The following GIPC2 variants were observed in gnomAD, a reference collection of about 807,000 sequenced individuals.
GIPC2 encodes the protein PDZ domain-containing protein GIPC2.
GIPC2 carries 30 observed loss-of-function variants against 30.6 expected under a neutral mutation model. That is an observed-to-expected ratio of 0.98 (90% confidence interval 0.73 to 1.33). GIPC2 has a LOEUF of 1.33. GIPC2 is among the 40% of genes most tolerant of loss of function. GIPC2 has a pLI of 0.00. For missense variants in GIPC2, 414 were observed against 390.3 expected (o/e 1.06, Z -0.51); for synonymous variants, 167 against 150.0 (o/e 1.11, Z -0.83).
chr1:78,108,747 G>T (rs1349182075), intron 3 of GIPC2, among the ~76,000 whole-genome samples: 1 of 152,156 alleles, frequency 6.6e-6, no homozygotes, highest in Non-Finnish European at 1.5e-5. Flanking sequence ...GTGTACATAG[G>T]TTGTGGGTGA....
rs565046927 is a variant in GIPC2 at position 78,046,327 on chromosome 1, C to T, written c.233C>T (p.Pro78Leu). The change falls in exon 1 of 6, where the codon CCG becomes CTG. Residue 78 changes from proline to leucine, a missense_variant. Physicochemically the swap from Pro to Leu is moderately conservative, Grantham distance 98. Transcript: ENST00000370759. ...ATCGCGGGCGCGTTTGAAATCTCGC[C>T]GTCGGAGGTAAGGCGCCAGGTGCTC... ...AQIAGAFEIS[P>L]SEILYCTLNT... The T allele has an allele frequency of 1.9e-6, 3 of 1,610,090 alleles. No individual in the cohort carries two copies. The highest frequency in any genetic ancestry group is 1.3e-5 in the African/African-American group (1 of 74,764).
intron 3 of GIPC2, among the ~76,000 whole-genome samples, chr1:78,099,347 T>C (rs1662197015): frequency 6.6e-6 from 1 of 151,972 alleles, no homozygotes; most frequent in Non-Finnish European, 1.5e-5. Flanking sequence ...TAAAGGCGAT[T>C]AGAGGTGCTA....
At chr1:78,067,158 G>A (rs998521016) in intron 1 of GIPC2, among the ~76,000 whole-genome samples, 1 of 152,132 alleles carries the variant, frequency 6.6e-6, no homozygotes, top group Admixed American at 6.5e-5. Flanking sequence ...TATAGCAGGT[G>A]CAAAAGTTAG....
In GIPC2 at chr1:78,136,767, C is replaced by T. The variant is rs1030774947; in HGVS notation, c.*1024C>T. The T allele has an allele frequency of 6.6e-6, 1 of 151,918 alleles. No homozygotes were observed. The highest frequency in any genetic ancestry group is 1.5e-5 in the Non-Finnish European group (1 of 67,934). The allele number at this position is 151,918 out of a possible 1,614,324, so 9.4% of individuals were successfully genotyped here. On this transcript the variant is annotated 3_prime_UTR_variant, in exon 6 of 6. Coordinates refer to ENST00000370759, the MANE Select transcript of GIPC2 (RefSeq NM_017655.6). ...TCTATTATTTTAGAGTTCTAATACA[C>T]TCTAAATTAAAGAGAAAATTGAGAG...
At chr1:78,095,450 G>A (rs2100379029) in intron 3 of GIPC2, among the ~76,000 whole-genome samples, 1 of 152,286 alleles carries the variant, frequency 6.6e-6, no homozygotes, top group African/African-American at 2.4e-5. Context: ...TCATTTTGCT[G>A]AGCAGTAAGA....
chr1:78,100,883 TC>T (rs1306769968), intron 3 of GIPC2, among the ~76,000 whole-genome samples: 3 of 142,570 alleles, frequency 2.1e-5, no homozygotes, highest in Non-Finnish European at 4.5e-5. Context: ...TGAGCTGAGA[TC>T]ACGCCACTGC....
At chr1:78,135,528 C>T in intron 5 of GIPC2, 64 bp from the exon 6 acceptor site, 1 of 948,790 alleles carries the variant, frequency 1.1e-6, no homozygotes, top group Non-Finnish European at 1.6e-6. Flanking sequence ...TTCCTGTTGC[C>T]ATTTTTCTCA....
At chr1:78,088,336 A>G (rs1661973487) in intron 2 of GIPC2, among the ~76,000 whole-genome samples, 1 of 152,240 alleles carries the variant, frequency 6.6e-6, no homozygotes, top group Admixed American at 6.5e-5. Context: ...TAGTAATGAC[A>G]TGGAATCAAC....
rs1663035545 is a variant in GIPC2, at chr1:78,137,899, C to G, written c.*2156C>G. ...CACATAATATATAAGTGTGGGATAC[C>G]CTTCTGCAGCTTCAGTGAGACAAAT... On this transcript the variant is annotated 3_prime_UTR_variant, in exon 6 of 6. Transcript: ENST00000370759. 3 of 151,914 alleles carry G rather than the reference C, an allele frequency of 2.0e-5. No homozygotes were observed. Among genetic ancestry groups the G allele is most frequent in the Admixed American group, 1.3e-4 (2 of 15,244 alleles). 9.4% of individuals were successfully genotyped at this position (151,914 alleles called of 1,614,324 possible).
chr1:78,054,626 A>G (rs1661253855), intron 1 of GIPC2, among the ~76,000 whole-genome samples: 1 of 152,246 alleles, frequency 6.6e-6, no homozygotes, highest in Non-Finnish European at 1.5e-5. Context: ...CCATCTGAGA[A>G]GTTATAAATA....
rs1662112978 is a variant in GIPC2 at position 78,095,096 on chromosome 1, T to C, written c.571T>C (p.Phe191Leu). The change falls in exon 3 of 6, where the codon TTT becomes CTT. Residue 191 changes from phenylalanine to leucine, a missense_variant. By Grantham distance (22) the Phe-to-Leu change is conservative. Coordinates refer to ENST00000370759, the MANE Select transcript of GIPC2 (RefSeq NM_017655.6). Reference protein sequence around the residue: ...KLKELKKEELFTMKLIEPKKA... With the variant: ...KLKELKKEELLTMKLIEPKKA... ...AAAGGAATTAAAAAAGGAGGAACTC[T>C]TTACTATGAAGTTAATAGAACCTAA... 1.2e-6 allele frequency: 2 copies of C among 1,612,922 alleles called. No homozygotes were observed. Among genetic ancestry groups the C allele is most frequent in the African/African-American group, 1.3e-5 (1 of 74,910 alleles).
At chr1:78,069,365 G>A (rs1661575241) in intron 1 of GIPC2, among the ~76,000 whole-genome samples, 1 of 151,974 alleles carries the variant, frequency 6.6e-6, no homozygotes, top group Non-Finnish European at 1.5e-5. Context: ...ATTTTCTTAT[G>A]CTCTCAAACT....
chr1:78,047,416 C>T (rs1661115939), intron 1 of GIPC2, among the ~76,000 whole-genome samples: 2 of 152,296 alleles, frequency 1.3e-5, no homozygotes, highest in Admixed American at 6.5e-5. Flanking sequence ...TAAAGTGTAA[C>T]CCTTTGTTCT....
intron 2 of GIPC2, among the ~76,000 whole-genome samples, chr1:78,092,227 G>T (rs481199): frequency 6.6e-6 from 1 of 152,030 alleles, no homozygotes; most frequent in African/African-American, 2.4e-5. Context: ...TAGGGAGAGT[G>T]TATGCTGCCC....
At chr1:78,106,641 A>G (rs1020869138) in intron 3 of GIPC2, among the ~76,000 whole-genome samples, 1 of 152,228 alleles carries the variant, frequency 6.6e-6, no homozygotes. Flanking sequence ...AAAACTTTTT[A>G]AGTGTAGAAG....
rs143000321 is a variant in GIPC2 at position 78,130,883 on chromosome 1, A to G, written c.797-4709A>G. ...TAATGGAAATTATATGTTGATCTGT[A>G]TCACCAAAACAAGTTTGTCATTAAT... is the stretch of plus-strand genomic sequence containing the variant. On this transcript the variant is annotated intron_variant, in intron 5 of 5. Transcript: ENST00000370759. 1.5e-3 allele frequency among the ~76,000 whole-genome samples: 232 copies of G among 152,366 alleles called. 2 individuals carry two copies. In the East Asian group the frequency reaches 0.035, roughly 23 times the overall value.
intron 1 of GIPC2, among the ~76,000 whole-genome samples, chr1:78,068,395 G>A (rs1381702628): frequency 6.6e-6 from 1 of 152,216 alleles, no homozygotes; most frequent in Non-Finnish European, 1.5e-5. Flanking sequence ...TCAATACCAA[G>A]GGATAGAAGA....
intron 1 of GIPC2, among the ~76,000 whole-genome samples, chr1:78,055,831 A>G (rs939374203): frequency 1.3e-5 from 2 of 152,124 alleles, no homozygotes; most frequent in Non-Finnish European, 2.9e-5. Flanking sequence ...TGCAGGAGAG[A>G]GCTATGCACA....
chr1:78,079,142 G>C (rs886498283), intron 1 of GIPC2, among the ~76,000 whole-genome samples: 1 of 152,126 alleles, frequency 6.6e-6, no homozygotes, highest in African/African-American at 2.4e-5. Context: ...TTTTGCCCTT[G>C]CCGGGAACAT....
Sources: allele counts gnomAD v4.1 joint callset (sites outside exome capture counted in the v4.1 genomes callset), GRCh38; gene constraint gnomAD v4.1.1; transcripts MANE v1.5; gene names NCBI Gene and HGNC (gene_info 2026-07-23, HGNC 2026-07-21).